The following RAB1A variants were observed in gnomAD, a reference collection of about 807,000 sequenced individuals.
The protein encoded by RAB1A is RAB1A, member RAS oncogene family, also known as ras-related protein Rab-1A.
RAB1A carries 2 observed loss-of-function variants against 26.0 expected under a neutral mutation model. The observed-to-expected ratio is 0.08, with a 90% CI of 0.03 to 0.24. The LOEUF is 0.24. Among genes scored for constraint, RAB1A ranks in the 10% least tolerant of loss-of-function variants. The pLI is 1.00. For synonymous variants in RAB1A, 84 were observed against 84.9 expected, an observed-to-expected ratio of 0.99 and a Z score of 0.06; for missense variants, 100 against 247.0, an observed-to-expected ratio of 0.40 and a Z score of 3.99.
At chr2:65,109,645 G>C (rs1669648609) in intron 1 of RAB1A, among the ~76,000 whole-genome samples, 1 of 151,756 alleles carries the variant, frequency 6.6e-6, no homozygotes, top group African/African-American at 2.4e-5. Flanking sequence ...AGGAGGCGGA[G>C]GTTGCAGTGA....
At chr2:65,127,340 G>T (rs1229417874) in intron 1 of RAB1A, among the ~76,000 whole-genome samples, 1 of 152,040 alleles carries the variant, frequency 6.6e-6, no homozygotes, top group Non-Finnish European at 1.5e-5. Flanking sequence ...CCAAAACCCA[G>T]ATAGCCAACC....
chr2:65,101,742 C>CTTTTTTTTT (rs71401771), intron 2 of RAB1A, among the ~76,000 whole-genome samples: 47 of 70,656 alleles, frequency 6.7e-4, no homozygotes, highest in Non-Finnish European at 8.2e-4. Context: ...GTATTACTTC[C>CTTTTTTTTT]TTTTTTTTTT....
chr2:65,126,687 T>C (rs916381358), intron 1 of RAB1A, among the ~76,000 whole-genome samples: 3 of 152,218 alleles, frequency 2.0e-5, no homozygotes, highest in Non-Finnish European at 4.4e-5. Flanking sequence ...TAATATACCA[T>C]TGTTAGTTAT....
chr2:65,114,195 GACAAGGTTC>G, intron 1 of RAB1A: 1 of 432,510 alleles, frequency 2.3e-6, no homozygotes, highest in Non-Finnish European at 4.5e-6. Flanking sequence ...TAGATTCTCA[GACAAGGTTC>G]ACATGTCAAT....
At chr2:65,099,343 G>C (rs1669363758) in intron 2 of RAB1A, among the ~76,000 whole-genome samples, 1 of 152,104 alleles carries the variant, frequency 6.6e-6, no homozygotes, top group South Asian at 2.1e-4. Context: ...CTTCTTGCAA[G>C]TACCTGCCAT....
In RAB1A at chr2:65,089,080, C is replaced by T; in HGVS notation, c.289-10G>A. The T allele has an allele frequency of 6.3e-7, 1 of 1,598,962 alleles. No homozygotes were observed. Among genetic ancestry groups the T allele is most frequent in the Non-Finnish European group, 8.5e-7 (1 of 1,170,216 alleles). On this transcript the variant is annotated splice_polypyrimidine_tract_variant and intron_variant, in intron 4 of 5. Transcript: ENST00000409784. ...CATTATTGAAGGACTCCTAAAAAGACATTTGAAAGACTGATAATATAGTTC... is the reference window on the plus strand; with the variant it reads ...CATTATTGAAGGACTCCTAAAAAGATATTTGAAAGACTGATAATATAGTTC...
chr2:65,101,010 G>A (rs1669411589), intron 2 of RAB1A, among the ~76,000 whole-genome samples: 1 of 152,010 alleles, frequency 6.6e-6, no homozygotes, highest in South Asian at 2.1e-4. Flanking sequence ...GCCAGGCACA[G>A]TAGTACACGC....
In RAB1A at chr2:65,088,544, A is replaced by G. The variant is rs755639121; in HGVS notation, c.567T>C (p.Asn189=). The change falls in exon 6 of 6, where the codon AAT becomes AAC. Residue 189 remains asparagine, a synonymous_variant. Coordinates refer to ENST00000409784, the MANE Select transcript of RAB1A (RefSeq NM_004161.5). ...GATAGGAEKS[N]VKIQSTPVKQ... is the part of the protein sequence containing the mutation. ...TGACTGGAGTGCTCTGAATTTTAACATTGGACTTCTCAGCACCACCAGCTG... is the reference window on the plus strand; with the variant it reads ...TGACTGGAGTGCTCTGAATTTTAACGTTGGACTTCTCAGCACCACCAGCTG... The G allele has an allele frequency of 9.9e-6, 16 of 1,613,496 alleles. No homozygotes were observed. The highest frequency in any genetic ancestry group is 1.4e-5 in the Non-Finnish European group (16 of 1,179,760).
At chr2:65,128,419 T>G (rs188678713) in intron 1 of RAB1A, among the ~76,000 whole-genome samples, 34 of 152,292 alleles carry the variant, frequency 2.2e-4, no homozygotes, top group Non-Finnish European at 3.8e-4. Flanking sequence ...CAAGTTCACC[T>G]CCGTTCAACT....
At chr2:65,113,962 G>T (rs1669763550) in intron 1 of RAB1A, among the ~76,000 whole-genome samples, 1 of 152,138 alleles carries the variant, frequency 6.6e-6, no homozygotes, top group South Asian at 2.1e-4. Flanking sequence ...TATTTGAAAG[G>T]AGGAGAAAAG....
chr2:65,100,082 G>T (rs927463507), intron 2 of RAB1A, among the ~76,000 whole-genome samples: 2 of 152,124 alleles, frequency 1.3e-5, no homozygotes, highest in Admixed American at 1.3e-4. Flanking sequence ...GTTGATAATG[G>T]CAATGTCATT....
At chr2:65,099,406 T>C (rs1178195107) in intron 2 of RAB1A, among the ~76,000 whole-genome samples, 3 of 152,182 alleles carry the variant, frequency 2.0e-5, no homozygotes, top group East Asian at 3.8e-4. Context: ...GATATATGAA[T>C]GAACAGACCA....
intron 1 of RAB1A, among the ~76,000 whole-genome samples, chr2:65,128,351 TA>T (rs1435067666): frequency 6.6e-6 from 1 of 152,176 alleles, no homozygotes; most frequent in Non-Finnish European, 1.5e-5. Context: ...TAAACCTCGA[TA>T]AAGCAGTAAA....
At position 65,111,463 on chromosome 2, in the gene RAB1A, G is replaced by A. The variant is rs192899645; in HGVS notation, c.24-6657C>T. Among the ~76,000 whole-genome samples the A allele has an allele frequency of 2.7e-4, 41 of 151,996 alleles. No homozygotes were observed. In the East Asian group the frequency reaches 7.3e-3, roughly 27 times the overall value. ...CACTCTTCAAACTTGTCAAGATAAC[G>A]AAAAAGAAGGAAAGACTGAGAAACT... On this transcript the variant is annotated intron_variant, in intron 1 of 5. Coordinates refer to ENST00000409784, the MANE Select transcript of RAB1A (RefSeq NM_004161.5).
At chr2:65,103,680 A>G (rs1216373529) in intron 2 of RAB1A, among the ~76,000 whole-genome samples, 1 of 152,200 alleles carries the variant, frequency 6.6e-6, no homozygotes, top group Non-Finnish European at 1.5e-5. Flanking sequence ...TTTTGACCTC[A>G]TGGGCTACCT....
chr2:65,112,345 C>A (rs982994017), intron 1 of RAB1A, among the ~76,000 whole-genome samples: 2 of 151,916 alleles, frequency 1.3e-5, no homozygotes, highest in South Asian at 2.1e-4. Context: ...TGGGGTTTCA[C>A]CATGTTGGCC....
chr2:65,101,429 T>A (rs1454184763), intron 2 of RAB1A, among the ~76,000 whole-genome samples: 2 of 152,136 alleles, frequency 1.3e-5, no homozygotes. Flanking sequence ...ATTATAGTCC[T>A]CACGATTGTC....
At chr2:65,114,647 T>C in intron 1 of RAB1A, among the ~76,000 whole-genome samples, 1 of 151,950 alleles carries the variant, frequency 6.6e-6, no homozygotes, top group Non-Finnish European at 1.5e-5. Context: ...ATCGAGACCA[T>C]CCTGGCTAAC....
intron 3 of RAB1A, among the ~76,000 whole-genome samples, chr2:65,092,142 G>A (rs183486860): frequency 1.4e-3 from 208 of 152,152 alleles, no homozygotes; most frequent in African/African-American, 4.6e-3. Context: ...GTATGCTGGC[G>A]TGCGCCTGTG....
Sources: allele counts gnomAD v4.1 joint callset (sites outside exome capture counted in the v4.1 genomes callset), GRCh38; gene constraint gnomAD v4.1.1; transcripts MANE v1.5; gene names NCBI Gene and HGNC (gene_info 2026-07-23, HGNC 2026-07-21).